The following FAT3 variants were observed in gnomAD, a reference collection of about 807,000 sequenced individuals.
FAT3 encodes the protein protocadherin Fat 3.
Under a neutral mutation model 310.2 loss-of-function variants are expected in FAT3, and 95 were observed. The ratio of observed to expected loss-of-function variants is 0.31; its 90% CI spans 0.26 to 0.36. The LOEUF is 0.36. FAT3 is among the 10% of genes least tolerant of loss of function. FAT3 has a pLI of 1.00. For missense variants in FAT3, 5,408 were observed against 5,715.6 expected (o/e 0.95, Z 1.74); for synonymous variants, 2,314 against 2,192.9 (o/e 1.06, Z -1.54).
At chr11:92,803,638 T>G (rs1312842604) in intron 10 of FAT3, among the ~76,000 whole-genome samples, 1 of 152,208 alleles carries the variant, frequency 6.6e-6, no homozygotes, top group Non-Finnish European at 1.5e-5. Context: ...AAGGCTGTCC[T>G]GTGCACTGTA....
chr11:92,621,931 G>C (rs1036593874), intron 3 of FAT3, among the ~76,000 whole-genome samples: 1 of 152,112 alleles, frequency 6.6e-6, no homozygotes, highest in African/African-American at 2.4e-5. Context: ...AGTGGCTCAG[G>C]AATCTACATT....
At chr11:92,725,114 G>C (rs1205580612) in intron 4 of FAT3, among the ~76,000 whole-genome samples, 1 of 152,180 alleles carries the variant, frequency 6.6e-6, no homozygotes, top group African/African-American at 2.4e-5. Context: ...AACGTATCTG[G>C]TAAGCTACCT....
chr11:92,622,215 T>A (rs1941120086), intron 3 of FAT3, among the ~76,000 whole-genome samples: 1 of 150,858 alleles, frequency 6.6e-6, no homozygotes, highest in Admixed American at 6.6e-5. Flanking sequence ...ATCTAGGAAA[T>A]GAAGGTTGCA....
chr11:92,714,460 C>A (rs898534767), intron 4 of FAT3, among the ~76,000 whole-genome samples: 1 of 152,048 alleles, frequency 6.6e-6, no homozygotes, highest in Non-Finnish European at 1.5e-5. Flanking sequence ...TGTTTCTAAT[C>A]TCTACCCTGG....
chr11:92,585,366 G>T (rs1250714344), intron 3 of FAT3, among the ~76,000 whole-genome samples: 1 of 152,006 alleles, frequency 6.6e-6, no homozygotes, highest in Non-Finnish European at 1.5e-5. Flanking sequence ...TTTCCCACTA[G>T]TGTGTTGGCC....
At chr11:92,381,431 C>T (rs571751682) in intron 2 of FAT3, among the ~76,000 whole-genome samples, 7 of 152,040 alleles carry the variant, frequency 4.6e-5, no homozygotes, top group East Asian at 3.9e-4. Flanking sequence ...GAGAATTGCT[C>T]GAACATGGGA....
chr11:92,328,103 A>C (rs764859066), intron 1 of FAT3, among the ~76,000 whole-genome samples: 3 of 151,952 alleles, frequency 2.0e-5, no homozygotes, highest in Admixed American at 6.6e-5. Context: ...GGATTTGAGT[A>C]TCTCTCTCAT....
intron 3 of FAT3, among the ~76,000 whole-genome samples, chr11:92,561,617 CATTTATTT>C (rs754392196): frequency 6.6e-6 from 1 of 151,500 alleles, no homozygotes; most frequent in African/African-American, 2.4e-5. Context: ...ATTTATTTAT[CATTTATTT>C]ATTTATTTAT....
At chr11:92,521,157 G>A (rs552316621) in intron 2 of FAT3, among the ~76,000 whole-genome samples, 15 of 152,140 alleles carry the variant, frequency 9.9e-5, no homozygotes, top group African/African-American at 2.9e-4. Context: ...GTGTGTGTGC[G>A]TGCACACACA....
chr11:92,492,491 G>A (rs1476915191), intron 2 of FAT3, among the ~76,000 whole-genome samples: 1 of 152,078 alleles, frequency 6.6e-6, no homozygotes, highest in Non-Finnish European at 1.5e-5. Context: ...AAACAGTGAT[G>A]TATTAGTAGT....
intron 7 of FAT3, among the ~76,000 whole-genome samples, chr11:92,781,075 C>CTTTTT (rs10649331): frequency 4.9e-5 from 6 of 121,966 alleles, no homozygotes; most frequent in East Asian, 2.4e-4. Context: ...TTTCTTTATT[C>CTTTTT]TTTTTTTTTT....
intron 21 of FAT3, among the ~76,000 whole-genome samples, chr11:92,862,190 C>G (rs1289301367): frequency 6.6e-6 from 1 of 152,142 alleles, no homozygotes; most frequent in African/African-American, 2.4e-5. Context: ...AAAGTCTAGA[C>G]CGAGGTGAAC....
intron 12 of FAT3, among the ~76,000 whole-genome samples, chr11:92,808,333 G>A (rs1322116748): frequency 1.3e-5 from 2 of 152,186 alleles, no homozygotes; most frequent in Admixed American, 1.3e-4. Flanking sequence ...ATTCTGATAA[G>A]AGGAAAAAGG....
At chr11:92,795,852 GAGCCAAGATTGCACCACTGCACTCC>G (rs1324946697) in intron 9 of FAT3, among the ~76,000 whole-genome samples, 2 of 152,022 alleles carry the variant, frequency 1.3e-5, no homozygotes, top group Admixed American at 6.5e-5. Flanking sequence ...AGGTTGCAGT[GAGCCAAGATTGCACCACTGCACTCC>G]AGCCTGGATG....
At chr11:92,766,587 G>C (rs1946318782) in intron 6 of FAT3, 1 of 152,230 alleles carries the variant, frequency 6.6e-6, no homozygotes, top group African/African-American at 2.4e-5. Context: ...TGTTTCATTT[G>C]ATGAAATGAT....
At chr11:92,564,739 A>G (rs1205803574) in intron 3 of FAT3, among the ~76,000 whole-genome samples, 2 of 151,004 alleles carry the variant, frequency 1.3e-5, no homozygotes, top group African/African-American at 4.9e-5. Flanking sequence ...AACTCACTCA[A>G]AACCACTCAA....
At chr11:92,882,717 G>C (rs367626470) in intron 23 of FAT3, 21 bp from the exon 24 acceptor site, 45 of 1,576,350 alleles carry the variant, frequency 2.9e-5, no homozygotes, top group Non-Finnish European at 3.6e-5. Flanking sequence ...ACGGTGGGGA[G>C]GGGCTTCTGT....
chr11:92,573,455 G>A (rs1302351640), intron 3 of FAT3, among the ~76,000 whole-genome samples: 1 of 152,058 alleles, frequency 6.6e-6, no homozygotes, highest in Non-Finnish European at 1.5e-5. Context: ...GCTGAATAGT[G>A]GCTTCAAAAA....
chr11:92,770,311 T>C (rs982298390), intron 6 of FAT3, among the ~76,000 whole-genome samples: 1 of 152,114 alleles, frequency 6.6e-6, no homozygotes, highest in African/African-American at 2.4e-5. Context: ...AATCCTAAAC[T>C]CGATTCTAGA....
Sources: allele counts gnomAD v4.1 joint callset (sites outside exome capture counted in the v4.1 genomes callset), GRCh38; gene constraint gnomAD v4.1.1; transcripts MANE v1.5; gene names NCBI Gene and HGNC (gene_info 2026-07-23, HGNC 2026-07-21).